BIVM: variants seen among roughly 807,000 people sequenced by gnomAD.
BIVM encodes the protein basic, immunoglobulin-like variable motif containing.
BIVM carries 31 observed loss-of-function variants against 61.4 expected under a neutral mutation model. That is an observed-to-expected ratio of 0.51 (90% CI 0.38 to 0.68). The LOEUF is 0.68. Among genes scored for constraint, BIVM ranks in the 30% least tolerant of loss-of-function variants. The pLI is 0.00. For synonymous variants in BIVM, 189 were observed against 210.7 expected (o/e 0.90, Z 0.89); for missense variants, 526 against 596.0 (o/e 0.88, Z 1.22).
At chr13:102,823,207 G>T (rs143366723) in intron 7 of BIVM, among the ~76,000 whole-genome samples, 5 of 152,352 alleles carry the variant, frequency 3.3e-5, no homozygotes, top group Non-Finnish European at 5.9e-5. Context: ...TAATCAGGAA[G>T]AGAATTGTTA....
At chr13:102,823,584 G>A (rs1002054111) in intron 7 of BIVM, among the ~76,000 whole-genome samples, 3 of 152,158 alleles carry the variant, frequency 2.0e-5, no homozygotes, top group Non-Finnish European at 4.4e-5. Context: ...AGCTTTAAAT[G>A]CTGTGTTGCT....
chr13:102,800,387 C>G (rs1013540691), intron 1 of BIVM: 1 of 152,306 alleles, frequency 6.6e-6, no homozygotes, highest in Non-Finnish European at 1.5e-5. Flanking sequence ...GGAGTAGGGG[C>G]GAGGAGGCCT....
At chr13:102,834,445 G>C (rs778801476) in intron 8 of BIVM, 21 bp from the exon 9 acceptor site, 65 of 1,585,726 alleles carry the variant, frequency 4.1e-5, no homozygotes, top group Non-Finnish European at 5.5e-5. Context: ...TAAACGTACT[G>C]TGAATGTATT....
intron 9 of BIVM, among the ~76,000 whole-genome samples, chr13:102,837,931 A>T (rs1881592707): frequency 6.6e-6 from 1 of 152,216 alleles, no homozygotes; most frequent in East Asian, 1.9e-4. Flanking sequence ...GAGATAAAAG[A>T]CTACATATTG....
chr13:102,804,785 A>T (rs187313939), intron 1 of BIVM, among the ~76,000 whole-genome samples: 231 of 152,318 alleles, frequency 1.5e-3, no homozygotes, highest in African/African-American at 5.3e-3. Context: ...TGAATAGAGA[A>T]AAAGCATGCT....
intron 4 of BIVM, among the ~76,000 whole-genome samples, chr13:102,817,561 A>G (rs1879947416): frequency 6.6e-6 from 1 of 152,216 alleles, no homozygotes. Context: ...GAGTGGCATT[A>G]GGTAATAGCC....
intron 4 of BIVM, 30 bp from the exon 5 acceptor site, chr13:102,821,007 A>T: frequency 1.9e-6 from 3 of 1,592,520 alleles, no homozygotes; most frequent in Non-Finnish European, 2.6e-6. Context: ...TGTTCATTCA[A>T]GTGAAGAAAA....
Position 102,841,213 on chromosome 13 carries a change from C to G in BIVM, c.*1348C>G, listed in dbSNP as rs368948539. On this transcript the variant is annotated 3_prime_UTR_variant, in exon 11 of 11. Transcript: ENST00000257336. ...GTTCTTTAATTTTAGGGTCTTGTTC[C>G]AGGACTCAAATCAGTAACTTGGTGA... is the stretch of plus-strand genomic sequence containing the variant. The G allele has an allele frequency of 6.6e-6, 1 of 152,512 alleles. No homozygotes were observed. The highest frequency in any genetic ancestry group is 2.1e-4 in the South Asian group (1 of 4,828). 9.4% of individuals were successfully genotyped at this position (152,512 alleles called of 1,614,324 possible). A position where few individuals can be genotyped will look rare whatever the true frequency, so the allele number is the denominator to read the frequency against.
chr13:102,819,590 C>T (rs1456678195), intron 4 of BIVM, among the ~76,000 whole-genome samples: 2 of 152,090 alleles, frequency 1.3e-5, no homozygotes, highest in Non-Finnish European at 2.9e-5. Flanking sequence ...ACAACACACA[C>T]TGGGCCCTGT....
rs746068427 is a variant in BIVM at position 102,821,045 on chromosome 13, T to C, written c.614T>C (p.Ile205Thr). 2 of 1,612,184 alleles carry C rather than the reference T, an allele frequency of 1.2e-6. No homozygotes were observed. The highest frequency in any genetic ancestry group is 1.7e-6 in the Non-Finnish European group (2 of 1,179,616). ...GTCTTTTGTGTTCTCAGGTACTGCA[T>C]AAGCCGACCACAGTATAAGACTTCT... Reference protein sequence around the residue: ...KVLDLRRWYCISRPQYKTSCG... With the variant: ...KVLDLRRWYCTSRPQYKTSCG... Residue 205 changes from isoleucine to threonine, a missense_variant, in exon 5 of 11, where the codon ATA (isoleucine) becomes ACA (threonine). By Grantham distance (89) the Ile-to-Thr change is moderately conservative (BLOSUM62 -1). Coordinates refer to ENST00000257336, the MANE Select transcript of BIVM (RefSeq NM_017693.4).
At position 102,809,689 on chromosome 13, in the gene BIVM, AT is replaced by A. The variant is rs555693359; in HGVS notation, c.478+1949del. Among the ~76,000 whole-genome samples, 651 of 152,138 alleles carry A rather than the reference AT, an allele frequency of 4.3e-3. 2 individuals carry two copies. Among genetic ancestry groups the A allele is most frequent in the Non-Finnish European group, 7.4e-3 (500 of 67,988 alleles). ...TAACAGAAAATTTACTGTCTTAACCATTTTTACGTGTACAGTTTAGTGGCAT... is the reference window on the plus strand; with the variant it reads ...TAACAGAAAATTTACTGTCTTAACCATTTTACGTGTACAGTTTAGTGGCAT... On this transcript the variant is annotated intron_variant, in intron 3 of 10. Transcript: ENST00000257336.
Position 102,839,850 on chromosome 13 carries a change from C to T in BIVM, c.1497C>T (p.Tyr499=), listed in dbSNP as rs202072549. The T allele has an allele frequency of 1.1e-5, 17 of 1,610,920 alleles. No individual in the cohort carries two copies. Among genetic ancestry groups the T allele is most frequent in the South Asian group, 3.3e-5 (3 of 91,004 alleles). ...GTGGTTACCAGGGTTACAGTGATTA[C>T]GATGGGAATGATTGACTATGCTTGC... ...RNSGYQGYSD[Y]DGND is the part of the protein sequence containing the mutation. Residue 499 remains tyrosine, a synonymous_variant, in exon 11 of 11, where the codon TAC becomes TAT. Transcript: ENST00000257336.
chr13:102,800,582 G>A (rs1372209949), intron 1 of BIVM: 1 of 152,282 alleles, frequency 6.6e-6, no homozygotes, highest in Non-Finnish European at 1.5e-5. Context: ...CCGTCCCGGC[G>A]GCCTCGGAGC....
chr13:102,824,747 C>A (rs542345199), intron 7 of BIVM, among the ~76,000 whole-genome samples: 1 of 152,146 alleles, frequency 6.6e-6, no homozygotes, highest in Admixed American at 6.5e-5. Flanking sequence ...TTCTTTTGAA[C>A]TTTTAAAAAT....
At chr13:102,838,961 G>C (rs936343996) in intron 10 of BIVM, among the ~76,000 whole-genome samples, 1 of 152,162 alleles carries the variant, frequency 6.6e-6, no homozygotes, top group African/African-American at 2.4e-5. Flanking sequence ...TGACAGCAAG[G>C]GCCAAGTAGC....
intron 8 of BIVM, among the ~76,000 whole-genome samples, chr13:102,832,219 C>T (rs940458555): frequency 1.3e-5 from 2 of 152,154 alleles, no homozygotes; most frequent in African/African-American, 4.8e-5. Flanking sequence ...GAGACAGGGT[C>T]TCACTCTGTC....
At chr13:102,811,271 A>T (rs1879476579) in intron 3 of BIVM, among the ~76,000 whole-genome samples, 1 of 152,226 alleles carries the variant, frequency 6.6e-6, no homozygotes, top group African/African-American at 2.4e-5. Flanking sequence ...GTCTAGTGGT[A>T]ATAAACTCCT....
intron 3 of BIVM, among the ~76,000 whole-genome samples, chr13:102,813,303 C>T (rs1595339848): frequency 1.3e-5 from 2 of 152,046 alleles, no homozygotes; most frequent in African/African-American, 4.8e-5. Flanking sequence ...AAATATATTT[C>T]GTTATTCCTG....
intron 3 of BIVM, among the ~76,000 whole-genome samples, chr13:102,815,214 A>G (rs970644189): frequency 6.6e-6 from 1 of 152,180 alleles, no homozygotes; most frequent in Non-Finnish European, 1.5e-5. Context: ...TCTGTATAGT[A>G]TCTTGAAGGA....
Sources: gnomAD v4.1 joint callset for allele counts (sites outside exome capture counted in the v4.1 genomes callset) on GRCh38, gnomAD v4.1.1 for gene constraint, MANE v1.5 for transcripts, NCBI Gene and HGNC (gene_info 2026-07-23, HGNC 2026-07-21) for gene names.